The following ANO4 variants were observed in gnomAD, a reference collection of about 807,000 sequenced individuals.
ANO4 encodes the protein anoctamin 4.
ANO4 carries 69 observed loss-of-function variants against 141.9 expected under a neutral mutation model. That is an observed-to-expected ratio of 0.49 (90% CI 0.40 to 0.59). The LOEUF (loss-of-function observed/expected upper bound fraction) is 0.59. Among genes scored for constraint, ANO4 ranks in the 20% least tolerant of loss-of-function variants. ANO4 has a pLI of 0.00. For synonymous variants in ANO4, 350 were observed against 394.3 expected, an observed-to-expected ratio of 0.89 and a Z score of 1.33; for missense variants, 894 against 1,162.2, an observed-to-expected ratio of 0.77 and a Z score of 3.36.
chr12:100,719,651 A>G (rs1286185654), intron 1 of ANO4, among the ~76,000 whole-genome samples: 1 of 152,190 alleles, frequency 6.6e-6, no homozygotes, highest in Non-Finnish European at 1.5e-5. Flanking sequence ...GGGGCTGCCA[A>G]GAGAATGAAC....
At chr12:100,997,576 T>C (rs2136383860) in intron 8 of ANO4, among the ~76,000 whole-genome samples, 1 of 151,918 alleles carries the variant, frequency 6.6e-6, no homozygotes, top group South Asian at 2.1e-4. Context: ...TAAGTTAAAG[T>C]AGGCATTCAA....
At chr12:100,998,348 T>A (rs2045481151) in intron 8 of ANO4, among the ~76,000 whole-genome samples, 1 of 151,716 alleles carries the variant, frequency 6.6e-6, no homozygotes, top group African/African-American at 2.4e-5. Context: ...GACCTTGTGA[T>A]CATGTGAGTT....
chr12:101,110,326 A>G (rs2050614682), intron 22 of ANO4, 78 bp from the exon 23 acceptor site: 1 of 1,419,110 alleles, frequency 7.0e-7, no homozygotes, highest in Non-Finnish European at 9.4e-7. Flanking sequence ...AGACAATAAC[A>G]TATTCAGATT....
intron 3 of ANO4, among the ~76,000 whole-genome samples, chr12:100,782,986 CT>C (rs2033755439): frequency 6.6e-6 from 1 of 152,306 alleles, no homozygotes; most frequent in South Asian, 2.1e-4. Context: ...AATACTCAGC[CT>C]GTGATTACTT....
intron 1 of ANO4, among the ~76,000 whole-genome samples, chr12:100,819,979 G>A (rs1395240816): frequency 1.3e-5 from 2 of 151,838 alleles, no homozygotes; most frequent in East Asian, 1.9e-4. Context: ...TTTGATCCCT[G>A]GTATCTGGCA....
At chr12:100,980,718 A>G (rs1395093071) in intron 7 of ANO4, among the ~76,000 whole-genome samples, 2 of 152,156 alleles carry the variant, frequency 1.3e-5, no homozygotes, top group Non-Finnish European at 2.9e-5. Context: ...AAATCACTTG[A>G]CTCTCATAAA....
At chr12:100,945,833 A>T (rs1156819850) in intron 5 of ANO4, among the ~76,000 whole-genome samples, 1 of 152,210 alleles carries the variant, frequency 6.6e-6, no homozygotes, top group Non-Finnish European at 1.5e-5. Flanking sequence ...TGGTTATTTC[A>T]TTCAAAAAAT....
intron 1 of ANO4, among the ~76,000 whole-genome samples, chr12:100,822,940 T>C (rs779138028): frequency 1.8e-4 from 28 of 152,190 alleles, no homozygotes; most frequent in Non-Finnish European, 3.5e-4. Context: ...GTATTTTGCT[T>C]TGCGTAATAT....
At chr12:101,012,917 GT>G (rs1357596470) in intron 8 of ANO4, among the ~76,000 whole-genome samples, 1 of 152,144 alleles carries the variant, frequency 6.6e-6, no homozygotes, top group Non-Finnish European at 1.5e-5. Flanking sequence ...TGCATCTCAA[GT>G]TTGTGACTTG....
At chr12:101,036,331 C>G (rs982753416) in intron 9 of ANO4, among the ~76,000 whole-genome samples, 2 of 152,126 alleles carry the variant, frequency 1.3e-5, no homozygotes, top group African/African-American at 2.4e-5. Context: ...TATGATACAG[C>G]AATCCTACTT....
intron 1 of ANO4, among the ~76,000 whole-genome samples, chr12:100,723,185 A>G (rs1446985147): frequency 6.6e-6 from 1 of 152,212 alleles, no homozygotes; most frequent in African/African-American, 2.4e-5. Flanking sequence ...TCTGAGAAGC[A>G]GCATTTTAAT....
chr12:101,097,974 G>A, intron 21 of ANO4, 29 bp downstream of exon 21: 2 of 1,587,648 alleles, frequency 1.3e-6, no homozygotes, highest in Non-Finnish European at 1.7e-6. Flanking sequence ...ATAATTGAGA[G>A]GCAGCATTGC....
intron 1 of ANO4, among the ~76,000 whole-genome samples, chr12:100,897,316 GT>G (rs1479135146): frequency 6.6e-6 from 1 of 152,204 alleles, no homozygotes; most frequent in Non-Finnish European, 1.5e-5. Context: ...AGGCAGCTAA[GT>G]TTCTGACCTC....
intron 7 of ANO4, among the ~76,000 whole-genome samples, chr12:100,979,249 A>G (rs188469296): frequency 1.6e-4 from 24 of 152,308 alleles, no homozygotes; most frequent in East Asian, 1.5e-3. Context: ...AAGTTTCAGT[A>G]ATCTCTGTGA....
At chr12:100,859,182 C>A (rs2038342832) in intron 1 of ANO4, 1 of 152,140 alleles carries the variant, frequency 6.6e-6, no homozygotes, top group African/African-American at 2.4e-5. Flanking sequence ...CCAGGCTCTT[C>A]TGCACTCCAC....
At chr12:100,902,154 T>G (rs1033317601) in intron 2 of ANO4, among the ~76,000 whole-genome samples, 3 of 152,130 alleles carry the variant, frequency 2.0e-5, no homozygotes, top group African/African-American at 7.2e-5. Context: ...CATAGAGATT[T>G]GGTCATTTTC....
chr12:100,920,210 T>C (rs2041567703), intron 2 of ANO4, among the ~76,000 whole-genome samples: 1 of 152,152 alleles, frequency 6.6e-6, no homozygotes, highest in Admixed American at 6.6e-5. Context: ...AGTTCTCTTA[T>C]CTCCAATAGC....
chr12:100,729,218 T>A (rs2031268697), intron 1 of ANO4, among the ~76,000 whole-genome samples: 1 of 151,992 alleles, frequency 6.6e-6, no homozygotes. Flanking sequence ...ACTTTAATTT[T>A]CTTTGCTATG....
chr12:101,079,107 C>A, intron 14 of ANO4, 86 bp from the exon 15 acceptor site: 1 of 1,134,654 alleles, frequency 8.8e-7, no homozygotes, highest in Non-Finnish European at 1.3e-6. Context: ...TCATTCTTGG[C>A]AATGGCTTCA....
Sources: gnomAD v4.1 joint callset for allele counts (sites outside exome capture counted in the v4.1 genomes callset) on GRCh38, gnomAD v4.1.1 for gene constraint, MANE v1.5 for transcripts, NCBI Gene and HGNC (gene_info 2026-07-23, HGNC 2026-07-21) for gene names.